Variants in TCF7L1 observed in about 807,000 individuals in gnomAD.
TCF7L1 encodes transcription factor 7 like 1.
Under a neutral mutation model 63.7 loss-of-function variants are expected in TCF7L1, and 18 were observed. The ratio of observed to expected loss-of-function variants is 0.28; its 90% CI spans 0.20 to 0.42. The LOEUF (loss-of-function observed/expected upper bound fraction) is 0.42. Ranked by LOEUF, TCF7L1 falls within the 10% of genes least tolerant of loss-of-function variation. The probability of loss-of-function intolerance (pLI) is 1.00; values close to 1 mark genes in which losing one functional copy is unlikely to be tolerated. For synonymous variants in TCF7L1, 355 were observed against 340.9 expected, an observed-to-expected ratio of 1.04 and a Z score of -0.46; for missense variants, 654 against 779.3, an observed-to-expected ratio of 0.84 and a Z score of 1.91.
chr2:85,252,559 G>A (rs1279623105), intron 3 of TCF7L1, among the ~76,000 whole-genome samples: 3 of 152,216 alleles, frequency 2.0e-5, no homozygotes, highest in South Asian at 2.1e-4. Flanking sequence ...ACTCCCAGGA[G>A]AGTAGCAAAG....
At chr2:85,219,154 A>G (rs186533670) in intron 3 of TCF7L1, among the ~76,000 whole-genome samples, 138 of 151,784 alleles carry the variant, frequency 9.1e-4, no homozygotes, top group African/African-American at 3.2e-3. Flanking sequence ...CCCCATCTCA[A>G]AAAACAATTT....
At position 85,177,244 on chromosome 2, in the gene TCF7L1, C is replaced by T. The variant is rs141915238; in HGVS notation, c.441+42794C>T. ...TAATCCCATTCATCAGGGCTCCACC[C>T]TCATGACCTAATTACCACCCAAAGG... On this transcript the variant is annotated intron_variant, in intron 3 of 11. Transcript: ENST00000282111. 6.0e-3 allele frequency among the ~76,000 whole-genome samples: 907 copies of T among 152,272 alleles called. 11 individuals carry two copies. The highest frequency in any genetic ancestry group is 0.02 in the African/African-American group (850 of 41,554).
intron 3 of TCF7L1, among the ~76,000 whole-genome samples, chr2:85,223,217 G>A (rs1326241948): frequency 6.6e-6 from 1 of 152,172 alleles, no homozygotes; most frequent in African/African-American, 2.4e-5. Flanking sequence ...GAGTAGCTGG[G>A]ACTATAGGTG....
Position 85,309,626 on chromosome 2 carries a change from C to A in TCF7L1, c.*164C>A. 1.8e-6 allele frequency: 1 copy of A among 570,554 alleles called. No individual in the cohort carries two copies. Among genetic ancestry groups the A allele is most frequent in the Non-Finnish European group, 2.8e-6 (1 of 361,222 alleles). The allele number at this position is 570,554 out of a possible 1,614,324, so 35.3% of individuals were successfully genotyped here. On this transcript the variant is annotated 3_prime_UTR_variant, in exon 12 of 12. Coordinates refer to ENST00000282111, the MANE Select transcript of TCF7L1 (RefSeq NM_031283.3). Reference sequence around the variant, plus strand: ...TACAGTTTGTAGATGTAACCAGTAGCTGATCTTAAGGCTTTTTTAAAAAAC... The same window carrying A: ...TACAGTTTGTAGATGTAACCAGTAGATGATCTTAAGGCTTTTTTAAAAAAC...
chr2:85,139,979 G>A (rs1677685197), intron 3 of TCF7L1, among the ~76,000 whole-genome samples: 1 of 150,648 alleles, frequency 6.6e-6, no homozygotes, highest in Non-Finnish European at 1.5e-5. Flanking sequence ...AGGGGATAGA[G>A]CAATTAGACT....
At position 85,309,680 on chromosome 2, in the gene TCF7L1, TAAG is replaced by T. The variant is rs1682230222; in HGVS notation, c.*221_*223del. On this transcript the variant is annotated 3_prime_UTR_variant, in exon 12 of 12. Coordinates refer to ENST00000282111, the MANE Select transcript of TCF7L1 (RefSeq NM_031283.3). ...ACAAAACAACAAAAAAAAATCTTTA[TAAG>T]AAAGAGAACTGAAAAGTAGCGTGCT... The T allele has an allele frequency of 2.1e-6, 1 of 474,980 alleles. No homozygotes were observed. Among genetic ancestry groups the T allele is most frequent in the Non-Finnish European group, 3.6e-6 (1 of 279,422 alleles). The allele number at this position is 474,980 out of a possible 1,614,324, so 29.4% of individuals were successfully genotyped here.
intron 3 of TCF7L1, among the ~76,000 whole-genome samples, chr2:85,210,705 G>C (rs895191381): frequency 1.3e-5 from 2 of 152,182 alleles, no homozygotes; most frequent in African/African-American, 4.8e-5. Flanking sequence ...CAAGGGAATA[G>C]CGACTTAGTG....
At chr2:85,161,555 A>G (rs960549661) in intron 3 of TCF7L1, among the ~76,000 whole-genome samples, 3 of 152,214 alleles carry the variant, frequency 2.0e-5, no homozygotes, top group African/African-American at 4.8e-5. Context: ...AGGAAGGGAA[A>G]GATTGCTGTT....
intron 3 of TCF7L1, among the ~76,000 whole-genome samples, chr2:85,280,513 CA>C (rs1681385580): frequency 1.3e-5 from 2 of 152,180 alleles, no homozygotes; most frequent in Admixed American, 6.5e-5. Context: ...GGTAAGCCAA[CA>C]AGAATGAATG....
At chr2:85,293,920 C>T (rs1681779861) in intron 4 of TCF7L1, among the ~76,000 whole-genome samples, 1 of 151,314 alleles carries the variant, frequency 6.6e-6, no homozygotes, top group South Asian at 2.1e-4. Flanking sequence ...GTTGGTGGGT[C>T]TCTTGAGCAG....
At chr2:85,187,844 A>G (rs527487421) in intron 3 of TCF7L1, among the ~76,000 whole-genome samples, 7 of 152,342 alleles carry the variant, frequency 4.6e-5, no homozygotes, top group South Asian at 2.1e-4. Context: ...GTGAATGTTC[A>G]TAACACCTTC....
intron 3 of TCF7L1, among the ~76,000 whole-genome samples, chr2:85,214,243 C>T (rs867507781): frequency 3.3e-5 from 5 of 152,202 alleles, no homozygotes; most frequent in Non-Finnish European, 4.4e-5. Flanking sequence ...GGGGTAAACA[C>T]AGCTTGTTAC....
intron 3 of TCF7L1, among the ~76,000 whole-genome samples, chr2:85,259,056 T>C (rs929840361): frequency 3.3e-5 from 5 of 152,216 alleles, no homozygotes; most frequent in Non-Finnish European, 5.9e-5. Context: ...ATTTACCATT[T>C]GGGACAGAAG....
intron 3 of TCF7L1, among the ~76,000 whole-genome samples, chr2:85,146,501 T>C (rs1418106594): frequency 1.4e-3 from 46 of 33,548 alleles, no homozygotes; most frequent in East Asian, 6.9e-3. Context: ...TTCTTTCTTT[T>C]TTTTTTTTTT....
intron 4 of TCF7L1, among the ~76,000 whole-genome samples, chr2:85,290,783 G>A (rs60491298): frequency 0.1 from 15,311 of 152,282 alleles, 884 homozygotes; most frequent in Non-Finnish European, 0.13. Context: ...GACTGGCAGG[G>A]AAGAGTTACA....
intron 3 of TCF7L1, among the ~76,000 whole-genome samples, chr2:85,249,366 G>A (rs1052805938): frequency 7.2e-5 from 11 of 152,168 alleles, no homozygotes; most frequent in East Asian, 5.8e-4. Context: ...TTGCTCTGGC[G>A]ACACCAGTTT....
rs1341839415 is a variant in TCF7L1 at position 85,157,277 on chromosome 2, A to AGT, written c.441+22829_441+22830dup. Among the ~76,000 whole-genome samples the AGT allele has an allele frequency of 5.3e-4, 80 of 152,288 alleles. 1 individual carries two copies. Among genetic ancestry groups the AGT allele is most frequent in the Admixed American group, 5.2e-3 (80 of 15,294 alleles). On this transcript the variant is annotated intron_variant, in intron 3 of 11. Transcript: ENST00000282111. ...GGCTTCTCTGAACAGTGCTTTTTGC[A>AGT]GTGATAATAGTTCTTTCCGAACTAC...
At chr2:85,247,473 A>G (rs1351900787) in intron 3 of TCF7L1, among the ~76,000 whole-genome samples, 2 of 152,218 alleles carry the variant, frequency 1.3e-5, no homozygotes, top group African/African-American at 2.4e-5. Flanking sequence ...TCCTGCCCCA[A>G]GGTGAATGTT....
chr2:85,266,714 A>G (rs1680983595), intron 3 of TCF7L1, among the ~76,000 whole-genome samples: 1 of 152,212 alleles, frequency 6.6e-6, no homozygotes, highest in Non-Finnish European at 1.5e-5. Flanking sequence ...CCATATTGAA[A>G]CTTTCAATAA....
Sources: gnomAD v4.1 joint callset for allele counts (sites outside exome capture counted in the v4.1 genomes callset) on GRCh38, gnomAD v4.1.1 for gene constraint, MANE v1.5 for transcripts, NCBI Gene and HGNC (gene_info 2026-07-23, HGNC 2026-07-21) for gene names.